The following SPRED1 variants were observed in gnomAD, a reference collection of about 807,000 sequenced individuals.
The protein encoded by SPRED1 is sprouty-related, EVH1 domain-containing protein 1.
A neutral mutation model predicts 52.3 loss-of-function variants in SPRED1; 18 were observed. The observed-to-expected ratio is 0.34, with a 90% CI of 0.24 to 0.51. SPRED1 has a LOEUF of 0.51. Ranked by LOEUF, SPRED1 falls within the 20% of genes least tolerant of loss-of-function variation. SPRED1 has a pLI of 0.97. For missense variants in SPRED1, 485 were observed against 551.0 expected (o/e 0.88, Z 1.20); for synonymous variants, 155 against 179.7 (o/e 0.86, Z 1.10).
intron 4 of SPRED1, among the ~76,000 whole-genome samples, chr15:38,336,910 C>G (rs1363620505): frequency 6.6e-6 from 1 of 152,064 alleles, no homozygotes; most frequent in African/African-American, 2.4e-5. Flanking sequence ...GACCAAACCA[C>G]CTGTTCCCCA....
chr15:38,298,777 T>A (rs1895091884), intron 1 of SPRED1, among the ~76,000 whole-genome samples: 2 of 152,234 alleles, frequency 1.3e-5, no homozygotes, highest in Admixed American at 6.5e-5. Context: ...TCTTACAGTT[T>A]CTACAGACCA....
At chr15:38,279,558 CT>C (rs921771037) in intron 1 of SPRED1, among the ~76,000 whole-genome samples, 6 of 152,198 alleles carry the variant, frequency 3.9e-5, no homozygotes, top group African/African-American at 1.4e-4. Flanking sequence ...TCCATTGGTA[CT>C]TTTGAGTTGC....
chr15:38,263,762 G>T (rs1894249742), intron 1 of SPRED1, among the ~76,000 whole-genome samples: 1 of 152,218 alleles, frequency 6.6e-6, no homozygotes, highest in Non-Finnish European at 1.5e-5. Flanking sequence ...TGGAAGAATT[G>T]TCTTGGGCCA....
At chr15:38,261,709 C>T (rs1894209392) in intron 1 of SPRED1, among the ~76,000 whole-genome samples, 1 of 152,000 alleles carries the variant, frequency 6.6e-6, no homozygotes, top group African/African-American at 2.4e-5. Context: ...TGGATAAAGG[C>T]CATTATGAAC....
intron 5 of SPRED1, among the ~76,000 whole-genome samples, chr15:38,340,314 T>G (rs1896002674): frequency 1.3e-5 from 2 of 152,214 alleles, no homozygotes; most frequent in African/African-American, 4.8e-5. Flanking sequence ...TTCTATTTTT[T>G]CTTCCCTTAT....
At chr15:38,332,750 G>A (rs1001513680) in intron 4 of SPRED1, among the ~76,000 whole-genome samples, 28 of 152,238 alleles carry the variant, frequency 1.8e-4, no homozygotes, top group African/African-American at 6.5e-4. Flanking sequence ...ATGCTCCAGG[G>A]ATAAAACTTA....
At chr15:38,281,642 A>G (rs1894691737) in intron 1 of SPRED1, among the ~76,000 whole-genome samples, 1 of 136,016 alleles carries the variant, frequency 7.4e-6, no homozygotes, top group African/African-American at 2.8e-5. Flanking sequence ...GCTGCAAGTG[A>G]TCCTCCTCAG....
At chr15:38,266,076 A>C (rs1455950305) in intron 1 of SPRED1, among the ~76,000 whole-genome samples, 1 of 152,198 alleles carries the variant, frequency 6.6e-6, no homozygotes, top group Non-Finnish European at 1.5e-5. Context: ...AAATACGTTT[A>C]CATTTTGCTT....
chr15:38,340,451 G>T (rs1321488110), intron 5 of SPRED1, among the ~76,000 whole-genome samples: 1 of 152,102 alleles, frequency 6.6e-6, no homozygotes, highest in African/African-American at 2.4e-5. Flanking sequence ...GCATACATAA[G>T]ATTCGATTTG....
In SPRED1 at chr15:38,299,517, T is replaced by C. The variant is rs397517871; in HGVS notation, c.177T>C (p.Phe59=). The part of the protein sequence containing the change: ...HQEENGCADF[F]IRGERLRDKM... ...AAGAGAATGGCTGTGCTGACTTTTTTATCCGTGGAGAGCGACTCAGGGACA... is the reference window on the plus strand; with the variant it reads ...AAGAGAATGGCTGTGCTGACTTTTTCATCCGTGGAGAGCGACTCAGGGACA... Residue 59 remains phenylalanine (F), a synonymous_variant, in exon 2 of 7, where the codon TTT becomes TTC. Transcript: ENST00000299084. 2.0e-5 allele frequency: 33 copies of C among 1,614,034 alleles called. No individual in the cohort carries two copies. The Admixed American group carries it at 2.2e-4, about 11-fold the overall frequency.
At chr15:38,339,672 T>G in intron 4 of SPRED1, 65 bp from the exon 5 acceptor site, 1 of 1,522,580 alleles carries the variant, frequency 6.6e-7, no homozygotes, top group East Asian at 2.3e-5. Flanking sequence ...AGTGAAAGTA[T>G]CTTATTTTGT....
At chr15:38,294,961 G>A (rs1240663288) in intron 1 of SPRED1, among the ~76,000 whole-genome samples, 1 of 152,086 alleles carries the variant, frequency 6.6e-6, no homozygotes, top group Non-Finnish European at 1.5e-5. Context: ...TGGTGTAAAG[G>A]GTAAAGTTGC....
At chr15:38,297,878 A>G (rs374078988) in intron 1 of SPRED1, among the ~76,000 whole-genome samples, 1 of 152,214 alleles carries the variant, frequency 6.6e-6, no homozygotes, top group Admixed American at 6.5e-5. Context: ...TCTCAAAGCC[A>G]TACAGATAGT....
intron 1 of SPRED1, among the ~76,000 whole-genome samples, chr15:38,281,309 A>C (rs1894682671): frequency 6.6e-6 from 1 of 152,212 alleles, no homozygotes; most frequent in African/African-American, 2.4e-5. Context: ...TTGATCATCC[A>C]TGCATCTTTG....
chr15:38,330,626 G>A lies in SPRED1; in HGVS notation c.423+5817G>A, dbSNP rs556967658. On this transcript the variant is annotated intron_variant, in intron 4 of 6. Transcript: ENST00000299084. ...AAATACCTAAAGAATTGCTTTGGTA[G>A]CATGTTTAACACATGTAATGCCAAG... Among the ~76,000 whole-genome samples, 20 of 152,188 alleles carry A rather than the reference G, an allele frequency of 1.3e-4. No homozygotes were observed. The South Asian group carries it at 4.1e-3, about 32-fold the overall frequency.
In SPRED1 at chr15:38,353,237, G is replaced by A. The variant is rs1182767245; in HGVS notation, c.*1573G>A. The A allele has an allele frequency of 6.6e-6, 1 of 152,254 alleles. No individual in the cohort carries two copies. Among genetic ancestry groups the A allele is most frequent in the Non-Finnish European group, 1.5e-5 (1 of 67,862 alleles). The allele number at this position is 152,254 out of a possible 1,614,324, so 9.4% of individuals were successfully genotyped here. ...ATGCAGGTTTTTAAACGTCATTTAT[G>A]TATCATTCTTTTTATATATCACACT... On this transcript the variant is annotated 3_prime_UTR_variant, in exon 7 of 7. Coordinates refer to ENST00000299084, the MANE Select transcript of SPRED1 (RefSeq NM_152594.3).
intron 2 of SPRED1, among the ~76,000 whole-genome samples, chr15:38,316,592 C>T (rs141406113): frequency 1.3e-5 from 2 of 151,918 alleles, no homozygotes; most frequent in African/African-American, 4.8e-5. Flanking sequence ...TTCCTAAAGC[C>T]GGCTCCAGCC....
At chr15:38,322,457 G>C in intron 3 of SPRED1, 48 bp downstream of exon 3, 3 of 1,588,984 alleles carry the variant, frequency 1.9e-6, no homozygotes, top group Non-Finnish European at 2.6e-6. Context: ...GTTATATATA[G>C]TAGAGGTTAT....
chr15:38,348,432 G>A (rs1896186727), intron 5 of SPRED1, among the ~76,000 whole-genome samples: 2 of 151,892 alleles, frequency 1.3e-5, no homozygotes, highest in Admixed American at 1.3e-4. Context: ...GTGTGTGTGT[G>A]TGTGTGTCTG....
Sources: gnomAD v4.1 joint callset for allele counts (sites outside exome capture counted in the v4.1 genomes callset) on GRCh38, gnomAD v4.1.1 for gene constraint, MANE v1.5 for transcripts, NCBI Gene and HGNC (gene_info 2026-07-23, HGNC 2026-07-21) for gene names.